The following GRIP1 variants were observed in gnomAD, a reference collection of about 807,000 sequenced individuals.
GRIP1 encodes glutamate receptor interacting protein 1, also known as glutamate receptor-interacting protein 1.
In GRIP1, 45 loss-of-function variants were observed where a neutral mutation model predicts 129.9. That is an observed-to-expected ratio of 0.35 (90% CI 0.27 to 0.44). The LOEUF (loss-of-function observed/expected upper bound fraction) is 0.44. Among genes scored for constraint, GRIP1 ranks in the 20% least tolerant of loss-of-function variants. The probability of loss-of-function intolerance (pLI) is 1.00; values close to 1 mark genes in which losing one functional copy is unlikely to be tolerated. For synonymous variants in GRIP1, 530 were observed against 520.8 expected (o/e 1.02, Z -0.24); for missense variants, 1,196 against 1,396.8 (o/e 0.86, Z 2.29).
intron 1 of GRIP1, among the ~76,000 whole-genome samples, chr12:66,903,293 A>C (rs2040873236): frequency 7.2e-6 from 1 of 138,000 alleles, no homozygotes; most frequent in South Asian, 2.4e-4. Context: ...AACGTGCTGC[A>C]GTATTTTTTT....
At chr12:66,530,717 T>C (rs937478163) in intron 4 of GRIP1, among the ~76,000 whole-genome samples, 1 of 117,146 alleles carries the variant, frequency 8.5e-6, no homozygotes, top group African/African-American at 3.9e-5. Context: ...TTGTACTATA[T>C]ACACCATTTC....
At chr12:67,015,936 C>T (rs1281325232) in intron 1 of GRIP1, among the ~76,000 whole-genome samples, 1 of 152,112 alleles carries the variant, frequency 6.6e-6, no homozygotes, top group Non-Finnish European at 1.5e-5. Context: ...TAGCTTTGGC[C>T]CCACCTCCAG....
chr12:66,570,183 A>T (rs1437318173), intron 2 of GRIP1, among the ~76,000 whole-genome samples: 2 of 152,202 alleles, frequency 1.3e-5, no homozygotes, highest in East Asian at 1.9e-4. Context: ...CACTGGTATG[A>T]TCTAGCTCAC....
chr12:66,964,591 C>T (rs1193691843), intron 1 of GRIP1, among the ~76,000 whole-genome samples: 5 of 152,144 alleles, frequency 3.3e-5, no homozygotes, highest in African/African-American at 1.2e-4. Context: ...CACCTACCCT[C>T]TCCCGGCCAG....
intron 2 of GRIP1, among the ~76,000 whole-genome samples, chr12:66,572,484 G>T (rs985982412): frequency 2.0e-5 from 3 of 152,168 alleles, no homozygotes; most frequent in African/African-American, 7.2e-5. Flanking sequence ...AATTCTCAGA[G>T]AAAATCATAT....
intron 1 of GRIP1, among the ~76,000 whole-genome samples, chr12:66,637,669 C>T (rs770283975): frequency 7.9e-5 from 12 of 151,834 alleles, no homozygotes; most frequent in Admixed American, 7.2e-4. Context: ...AATCTGAGCC[C>T]GCTGGGAGCC....
chr12:66,418,704 A>C (rs1293022178), intron 15 of GRIP1, among the ~76,000 whole-genome samples: 1 of 152,226 alleles, frequency 6.6e-6, no homozygotes, highest in African/African-American at 2.4e-5. Context: ...GCTCAACATC[A>C]GTGGTCATCA....
At chr12:66,836,745 T>C (rs1404076379) in intron 1 of GRIP1, among the ~76,000 whole-genome samples, 1 of 152,246 alleles carries the variant, frequency 6.6e-6, no homozygotes, top group African/African-American at 2.4e-5. Flanking sequence ...CCTTCTCTAG[T>C]GTTCACATTT....
rs2039460975 is a variant in GRIP1 at position 66,828,659 on chromosome 12, T to C, written c.59-231732A>G. Among the ~76,000 whole-genome samples, 2 of 152,234 alleles carry C rather than the reference T, an allele frequency of 1.3e-5. 1 individual carries two copies. Among genetic ancestry groups the C allele is most frequent in the Non-Finnish European group, 2.9e-5 (2 of 68,040 alleles). ...TATAAAGAAAGTTTTATCTTTCTTTTGCAATAGACATATTAATATTAACAC... is the reference window on the plus strand; with the variant it reads ...TATAAAGAAAGTTTTATCTTTCTTTCGCAATAGACATATTAATATTAACAC... On this transcript the variant is annotated intron_variant, in intron 1 of 1. Transcript: ENST00000643019.
chr12:66,581,326 A>C (rs1478694750), intron 2 of GRIP1, among the ~76,000 whole-genome samples: 2 of 151,520 alleles, frequency 1.3e-5, no homozygotes, highest in Non-Finnish European at 2.9e-5. Context: ...TTGACACCCT[A>C]ACATCACAAT....
chr12:66,721,019 T>C (rs548207116), intron 1 of GRIP1, among the ~76,000 whole-genome samples: 6 of 152,246 alleles, frequency 3.9e-5, no homozygotes, highest in East Asian at 1.9e-4. Context: ...CCTTACAAAA[T>C]ATATTTCTTA....
chr12:66,582,688 C>T (rs2139631121), intron 2 of GRIP1, among the ~76,000 whole-genome samples: 1 of 143,076 alleles, frequency 7.0e-6, no homozygotes. Context: ...ACCTAGGAAT[C>T]CAACTTACAA....
At chr12:66,618,907 A>C (rs2065152730) in intron 1 of GRIP1, among the ~76,000 whole-genome samples, 1 of 152,182 alleles carries the variant, frequency 6.6e-6, no homozygotes. Context: ...GGATAAATAA[A>C]GAATATATTT....
intron 2 of GRIP1, among the ~76,000 whole-genome samples, chr12:66,573,889 G>A (rs2063048934): frequency 2.0e-5 from 3 of 152,190 alleles, no homozygotes; most frequent in African/African-American, 7.2e-5. Context: ...GGTGACTGCT[G>A]AGAGGGGGAT....
intron 1 of GRIP1, among the ~76,000 whole-genome samples, chr12:67,061,707 T>C (rs553125982): frequency 4.6e-5 from 7 of 152,264 alleles, no homozygotes; most frequent in Admixed American, 2.6e-4. Context: ...CCTTTAAGAA[T>C]AGGTAATATA....
intron 2 of GRIP1, among the ~76,000 whole-genome samples, chr12:66,562,867 A>G (rs566433001): frequency 7.6e-6 from 1 of 132,086 alleles, no homozygotes; most frequent in South Asian, 2.5e-4. Context: ...TGTTATATGT[A>G]TGATATACTA....
chr12:67,065,211 T>A (rs988840680), intron 1 of GRIP1: 3 of 152,048 alleles, frequency 2.0e-5, no homozygotes, highest in Non-Finnish European at 4.4e-5. Context: ...GGTGGTAACA[T>A]GTCTGCAGTA....
intron 9 of GRIP1, among the ~76,000 whole-genome samples, chr12:66,461,800 C>A (rs78520873): frequency 2.0e-5 from 3 of 152,066 alleles, no homozygotes; most frequent in African/African-American, 4.8e-5. Context: ...TACAAATGAC[C>A]CCCTCATAAG....
intron 7 of GRIP1, among the ~76,000 whole-genome samples, chr12:66,474,767 C>T (rs2059552173): frequency 1.3e-5 from 2 of 152,154 alleles, no homozygotes; most frequent in African/African-American, 4.8e-5. Flanking sequence ...ACTTTACAGA[C>T]AAGCAAATGC....
Sources: allele counts gnomAD v4.1 joint callset (sites outside exome capture counted in the v4.1 genomes callset), GRCh38; gene constraint gnomAD v4.1.1; transcripts MANE v1.5; gene names NCBI Gene and HGNC (gene_info 2026-07-23, HGNC 2026-07-21).